IL1RAPL2: variants seen among roughly 807,000 people sequenced by gnomAD.
IL1RAPL2 encodes interleukin 1 receptor accessory protein like 2.
A neutral mutation model predicts 44.1 loss-of-function variants in IL1RAPL2; 3 were observed. That is an observed-to-expected ratio of 0.07 (90% CI 0.03 to 0.18). The LOEUF (loss-of-function observed/expected upper bound fraction) is 0.18, where lower values mean the gene tolerates loss of function less well. Among genes scored for constraint, IL1RAPL2 ranks in the 10% least tolerant of loss-of-function variants. The pLI is 1.00. For missense variants in IL1RAPL2, 391 were observed against 496.4 expected (o/e 0.79, Z 2.02); for synonymous variants, 181 against 178.8 (o/e 1.01, Z -0.10).
intron 2 of IL1RAPL2, among the ~76,000 whole-genome samples, chrX:104,846,935 C>A (rs1487585869): frequency 8.9e-6 from 1 of 112,216 alleles, no homozygotes; most frequent in African/African-American, 3.2e-5. Flanking sequence ...ATTTGCATTT[C>A]TCTGATGGCC....
At chrX:104,649,455 T>G (rs1930111588) in intron 1 of IL1RAPL2, among the ~76,000 whole-genome samples, 1 of 111,603 alleles carries the variant, frequency 9.0e-6, no homozygotes, top group South Asian at 3.7e-4. Flanking sequence ...ATCTCTGTTT[T>G]CTGATTGAAT....
chrX:105,434,963 C>A (rs903054044), intron 5 of IL1RAPL2, among the ~76,000 whole-genome samples: 3 of 111,524 alleles, frequency 2.7e-5, no homozygotes, highest in Non-Finnish European at 5.7e-5. Flanking sequence ...ATTTATTAAA[C>A]GGGTAATAGT....
Position 105,546,875 on chromosome X carries a change from A to C in IL1RAPL2, c.772+62488A>C, listed in dbSNP as rs141153276. ...TCTATTTTCTGAAATATATTAGTTG[A>C]TTATTGTCAGTGAAGTTGAACGTAT... On this transcript the variant is annotated intron_variant, in intron 6 of 10. Coordinates refer to ENST00000372582, the MANE Select transcript of IL1RAPL2 (RefSeq NM_017416.2). Among the ~76,000 whole-genome samples, 15 of 112,294 alleles carry C rather than the reference A, an allele frequency of 1.3e-4. 1 individual carries two copies. Among genetic ancestry groups the C allele is most frequent in the Admixed American group, 1.0e-3 (11 of 10,559 alleles).
intron 5 of IL1RAPL2, among the ~76,000 whole-genome samples, chrX:105,400,158 C>T (rs1234902185): frequency 9.0e-6 from 1 of 111,303 alleles, no homozygotes; most frequent in African/African-American, 3.3e-5. Flanking sequence ...ACATATCCTA[C>T]AACATTCTTG....
chrX:105,125,380 G>A (rs370945978), intron 2 of IL1RAPL2, among the ~76,000 whole-genome samples: 2 of 110,274 alleles, frequency 1.8e-5, no homozygotes, highest in African/African-American at 6.6e-5. Flanking sequence ...AATCCCACAA[G>A]CTTCTTAAAT....
Position 105,767,646 on chromosome X carries a change from C to G in IL1RAPL2, c.2046C>G (p.Thr682=), listed in dbSNP as rs370658459. 8.3e-7 allele frequency: 1 copy of G among 1,197,861 alleles called. No homozygotes were observed. Among genetic ancestry groups the G allele is most frequent in the African/African-American group, 1.8e-5 (1 of 56,913 alleles). Residue 682 remains threonine, a synonymous_variant, in exon 11 of 11, where the codon ACC becomes ACG. Transcript: ENST00000372582. ...TATCCTCCAAAGAGCTTAGCTTTAC[C>G]AGTGATATTTGGTAGTGAAAAATCT... ...LPLSSKELSF[T]SDIW
At chrX:105,021,678 C>G (rs1038060573) in intron 2 of IL1RAPL2, among the ~76,000 whole-genome samples, 2 of 111,507 alleles carry the variant, frequency 1.8e-5, no homozygotes, top group Non-Finnish European at 3.8e-5. Context: ...TATGCCTACT[C>G]TATTAAGTTT....
chrX:105,618,826 A>G (rs1260899718), intron 6 of IL1RAPL2, among the ~76,000 whole-genome samples: 1 of 111,800 alleles, frequency 8.9e-6, no homozygotes, highest in African/African-American at 3.3e-5. Context: ...TTCAATTAGG[A>G]TATCTGTTGT....
At chrX:105,204,243 A>G (rs1556149347) in intron 3 of IL1RAPL2, among the ~76,000 whole-genome samples, 2 of 111,743 alleles carry the variant, frequency 1.8e-5, no homozygotes, top group South Asian at 7.5e-4. Flanking sequence ...AACTGGCCCA[A>G]TTCCAGCTTA....
At chrX:104,699,352 T>C (rs1329985017) in intron 2 of IL1RAPL2, among the ~76,000 whole-genome samples, 1 of 111,650 alleles carries the variant, frequency 9.0e-6, no homozygotes, top group East Asian at 2.8e-4. Flanking sequence ...GTGATGGAGA[T>C]AGTAACACAT....
At chrX:104,850,098 A>C (rs73635164) in intron 2 of IL1RAPL2, among the ~76,000 whole-genome samples, 1 of 112,073 alleles carries the variant, frequency 8.9e-6, no homozygotes, top group Non-Finnish European at 1.9e-5. Flanking sequence ...TATGTTTTTG[A>C]CAAAATGGGA....
At chrX:105,049,364 C>T (rs1028552246) in intron 2 of IL1RAPL2, among the ~76,000 whole-genome samples, 23 of 111,557 alleles carry the variant, frequency 2.1e-4, no homozygotes, top group Admixed American at 1.8e-3. Context: ...CATATAGCAA[C>T]ATTCGTTTTT....
intron 1 of IL1RAPL2, among the ~76,000 whole-genome samples, chrX:104,575,580 G>A (rs1463208476): frequency 9.0e-6 from 1 of 111,384 alleles, no homozygotes; most frequent in East Asian, 2.8e-4. Context: ...AGTGGCAGAT[G>A]CTGCATATCT....
chrX:104,811,809 T>C (rs1388193116), intron 2 of IL1RAPL2, among the ~76,000 whole-genome samples: 2 of 110,735 alleles, frequency 1.8e-5, no homozygotes, highest in Non-Finnish European at 3.8e-5. Flanking sequence ...TCATTGAAGG[T>C]CTGCTGTCTC....
intron 1 of IL1RAPL2, among the ~76,000 whole-genome samples, chrX:104,590,036 GGTTTTTTGTTT>G (rs1274636355): frequency 9.0e-6 from 1 of 110,882 alleles, no homozygotes; most frequent in African/African-American, 3.3e-5. Context: ...GCCTAAGTTG[GGTTTTTTGTTT>G]GTTTGTTGTT....
chrX:105,344,879 A>G (rs2035098202), intron 5 of IL1RAPL2, among the ~76,000 whole-genome samples: 1 of 112,031 alleles, frequency 8.9e-6, no homozygotes, highest in Non-Finnish European at 1.9e-5. Context: ...TATCTGTGAC[A>G]GGCACTGAAC....
intron 5 of IL1RAPL2, among the ~76,000 whole-genome samples, chrX:105,324,773 G>C (rs999190635): frequency 2.7e-5 from 3 of 111,546 alleles, no homozygotes. Flanking sequence ...TTTTTATTTT[G>C]TTTTCACCAG....
chrX:105,698,399 C>G (rs2038093900), intron 6 of IL1RAPL2, among the ~76,000 whole-genome samples: 1 of 111,904 alleles, frequency 8.9e-6, no homozygotes. Context: ...GACACTTTTT[C>G]TCTTGTCTGG....
Position 105,600,287 on chromosome X carries a change from C to T in IL1RAPL2, c.772+115900C>T, listed in dbSNP as rs752248907. ...TTCAGTGAACATTTTTATACCTGCA[C>T]GTAGTTTTTTTTCTAATTTAGCTAC... On this transcript the variant is annotated intron_variant, in intron 6 of 10. Transcript: ENST00000372582. Among the ~76,000 whole-genome samples, 8 of 110,287 alleles carry T rather than the reference C, an allele frequency of 7.3e-5. No homozygotes were observed. In the South Asian group the frequency reaches 3.0e-3, roughly 42 times the overall value.
Sources: allele counts gnomAD v4.1 joint callset (sites outside exome capture counted in the v4.1 genomes callset), GRCh38; gene constraint gnomAD v4.1.1; transcripts MANE v1.5; gene names NCBI Gene and HGNC (gene_info 2026-07-23, HGNC 2026-07-21).